Variants in TUBGCP3 observed in about 807,000 individuals in gnomAD.
The protein encoded by TUBGCP3 is gamma-tubulin complex component 3.
In TUBGCP3, 50 loss-of-function variants were observed where a neutral mutation model predicts 123.1. That is an observed-to-expected ratio of 0.41 (90% CI 0.32 to 0.51). TUBGCP3 has a LOEUF of 0.51. TUBGCP3 is among the 20% of genes least tolerant of loss of function. The pLI is 0.36. For missense variants in TUBGCP3, 882 were observed against 1,127.0 expected, an observed-to-expected ratio of 0.78 and a Z score of 3.11; for synonymous variants, 405 against 413.9, an observed-to-expected ratio of 0.98 and a Z score of 0.26.
upstream of TUBGCP3, among the ~76,000 whole-genome samples, chr13:112,593,186 A>G (rs1882912049): frequency 2.0e-5 from 3 of 152,166 alleles, no homozygotes; most frequent in African/African-American, 7.2e-5. Flanking sequence ...TGGGAGGCCA[A>G]AGTGGGTGGA....
chr13:112,565,619 C>T (rs1428213197), intron 2 of TUBGCP3, among the ~76,000 whole-genome samples: 1 of 152,212 alleles, frequency 6.6e-6, no homozygotes, highest in Non-Finnish European at 1.5e-5. Flanking sequence ...TTGGAAACTA[C>T]ATATCCTAAA....
chr13:112,579,829 C>G (rs778644151), intron 1 of TUBGCP3, among the ~76,000 whole-genome samples: 7 of 152,244 alleles, frequency 4.6e-5, no homozygotes, highest in Non-Finnish European at 8.8e-5. Flanking sequence ...AACAACCCCA[C>G]TTGCAGGTGT....
At chr13:112,493,665 G>C (rs1182123973) in intron 20 of TUBGCP3, among the ~76,000 whole-genome samples, 1 of 101,604 alleles carries the variant, frequency 9.8e-6, no homozygotes, top group African/African-American at 3.9e-5. Flanking sequence ...CTATGGGAAC[G>C]TGGCCTGGTG....
In TUBGCP3 at chr13:112,518,344, T is replaced by C. The variant is rs187656338; in HGVS notation, c.1950+631A>G. ...TACTTTTCCCAATACCTCAAAGAAA[T>C]GCAATGTCCTTCTTCAGTATTTCAG... is the stretch of plus-strand genomic sequence containing the variant. On this transcript the variant is annotated intron_variant, in intron 16 of 21. Coordinates refer to ENST00000261965, the MANE Select transcript of TUBGCP3 (RefSeq NM_006322.6). Among the ~76,000 whole-genome samples the C allele has an allele frequency of 1.4e-3, 214 of 152,294 alleles. 1 individual carries two copies. The highest frequency in any genetic ancestry group is 2.5e-3 in the Non-Finnish European group (167 of 68,020).
chr13:112,523,051 C>T (rs78217535), intron 13 of TUBGCP3, among the ~76,000 whole-genome samples: 1,903 of 152,308 alleles, frequency 0.012, 42 homozygotes, highest in African/African-American at 0.042. Context: ...CGGAAGAAAG[C>T]ATTTCCATAG....
At chr13:112,563,861 C>G (rs923627943) in intron 3 of TUBGCP3, among the ~76,000 whole-genome samples, 1 of 146,104 alleles carries the variant, frequency 6.8e-6, no homozygotes, top group African/African-American at 2.6e-5. Context: ...GGGCACAGAG[C>G]AAGACTTCGC....
rs772300594 is a variant in TUBGCP3, at chr13:112,519,857, G to A, written c.1881+29C>T. ...CCCAGTGGGTCCTCGGTGCCGGGGCGGCGTTCCCAACACGCAGAGCCGCAG... is the reference window on the plus strand; with the variant it reads ...CCCAGTGGGTCCTCGGTGCCGGGGCAGCGTTCCCAACACGCAGAGCCGCAG... On this transcript the variant is annotated intron_variant, in intron 15 of 21. Coordinates refer to ENST00000261965, the MANE Select transcript of TUBGCP3 (RefSeq NM_006322.6). The surrounding 1 kb of genome is among the most constrained non-coding windows in gnomAD (Gnocchi z 6.2). 61 of 1,604,014 alleles carry A rather than the reference G, an allele frequency of 3.8e-5. No homozygotes were observed. Among genetic ancestry groups the A allele is most frequent in the Non-Finnish European group, 4.3e-5 (51 of 1,173,372 alleles).
chr13:112,555,289 G>A (rs746931920), intron 6 of TUBGCP3, among the ~76,000 whole-genome samples: 1 of 152,166 alleles, frequency 6.6e-6, no homozygotes, highest in South Asian at 2.1e-4. Flanking sequence ...AGGGACAGGC[G>A]GAGTGGGGCA....
At chr13:112,584,008 G>C (rs1384331063) in intron 1 of TUBGCP3, 2 of 152,190 alleles carry the variant, frequency 1.3e-5, no homozygotes, top group African/African-American at 4.8e-5. Context: ...CATTTAGAGA[G>C]TTTAAAATGA....
intron 5 of TUBGCP3, among the ~76,000 whole-genome samples, chr13:112,556,809 A>C (rs1880085929): frequency 6.6e-6 from 1 of 152,250 alleles, no homozygotes; most frequent in South Asian, 2.1e-4. Flanking sequence ...CTTGTCAGCA[A>C]TTTTGAGACT....
rs1485797752 is a variant in TUBGCP3 at position 112,575,390 on chromosome 13, AT to A, written c.77-6132del. Among the ~76,000 whole-genome samples, 3 of 152,316 alleles carry A rather than the reference AT, an allele frequency of 2.0e-5. No individual in the cohort carries two copies. The East Asian group carries it at 5.8e-4, about 29-fold the overall frequency. The stretch of plus-strand genomic sequence containing the variant: ...GGGATCACAAAATGATAAAAGGGCA[AT>A]TCACCAAGATGACATAGCAATTCTA... On this transcript the variant is annotated intron_variant, in intron 1 of 21. Transcript: ENST00000261965.
In TUBGCP3 at chr13:112,545,530, G is replaced by T; in HGVS notation, c.1335+169C>A. On this transcript the variant is annotated intron_variant, in intron 11 of 21. Transcript: ENST00000261965. This position sits in a 1 kb window ranked among gnomAD's most constrained non-coding sequence, Gnocchi z 4.1. ...CTCGTGAACTTATCTGCTGTTCAGT[G>T]AGATAACCAGCTGTCGAGGCACTGT... 1 of 670,192 alleles carries T rather than the reference G, an allele frequency of 1.5e-6. No homozygotes were observed. The allele number at this position is 670,192 out of a possible 1,614,324, so 41.5% of individuals were successfully genotyped here.
At chr13:112,490,091 C>T (rs1026292898) in intron 20 of TUBGCP3, among the ~76,000 whole-genome samples, 24 of 152,304 alleles carry the variant, frequency 1.6e-4, no homozygotes, top group African/African-American at 4.6e-4. Flanking sequence ...CGTCAGCACC[C>T]TTTAAACTAT....
intron 11 of TUBGCP3, among the ~76,000 whole-genome samples, chr13:112,528,934 G>A (rs1004377035): frequency 3.3e-5 from 5 of 151,824 alleles, no homozygotes; most frequent in Admixed American, 6.6e-5. Context: ...TCACTGCAAC[G>A]TCTGCCTCCC....
chr13:112,549,457 C>T (rs1327059997), intron 8 of TUBGCP3, among the ~76,000 whole-genome samples: 1 of 151,656 alleles, frequency 6.6e-6, no homozygotes, highest in Non-Finnish European at 1.5e-5. Context: ...ACGTTGTGCA[C>T]ATGTACCCTA....
rs540990568 is a variant in TUBGCP3 at position 112,508,455 on chromosome 13, C to G, written c.2087-3741G>C. On this transcript the variant is annotated intron_variant, in intron 17 of 21. Transcript: ENST00000261965. This position sits in a 1 kb window ranked among gnomAD's most constrained non-coding sequence, Gnocchi z 4.2. The stretch of plus-strand genomic sequence containing the variant: ...AGGGGCCTGTTAGTTGAAAAGGTAT[C>G]GTGCACCACGACAGACAGGTCTACA... Among the ~76,000 whole-genome samples, 1 of 152,252 alleles carries G rather than the reference C, an allele frequency of 6.6e-6. No homozygotes were observed. The highest frequency in any genetic ancestry group is 2.4e-5 in the African/African-American group (1 of 41,556).
chr13:112,516,459 C>T lies in TUBGCP3; in HGVS notation c.2067G>A (p.Lys689=), dbSNP rs1012370385. The change falls in exon 17 of 22, where the codon AAG becomes AAA. Residue 689 remains lysine (K), a synonymous_variant. Coordinates refer to ENST00000261965, the MANE Select transcript of TUBGCP3 (RefSeq NM_006322.6). ...DIRKGHMCNA[K]LLRNMPEFSG... ...GCTCACCTGGCATGTTTCTCAGGAG[C>T]TTTGCATTGCACATGTGTCCCTTCC... 8.7e-6 allele frequency: 14 copies of T among 1,609,092 alleles called. No homozygotes were observed. Among genetic ancestry groups the T allele is most frequent in the Admixed American group, 3.4e-5 (2 of 59,606 alleles).
chr13:112,547,592 A>G (rs201746539), intron 10 of TUBGCP3, 28 bp downstream of exon 10: 149 of 1,454,072 alleles, frequency 1.0e-4, no homozygotes, highest in Non-Finnish European at 1.3e-4. Context: ...CGTGGGAAAG[A>G]CGTGCGTGGG....
At position 112,539,048 on chromosome 13, in the gene TUBGCP3, G is replaced by A. The variant is rs1471079901; in HGVS notation, c.1335+6651C>T. On this transcript the variant is annotated intron_variant, in intron 11 of 21. Coordinates refer to ENST00000261965, the MANE Select transcript of TUBGCP3 (RefSeq NM_006322.6). ...GGTCTAACAGAAAAAACAGATGTCC[G>A]AGAACTACAAACAAATCAGACAAAG... 4.6e-5 allele frequency among the ~76,000 whole-genome samples: 7 copies of A among 152,164 alleles called. No homozygotes were observed. In the East Asian group the frequency reaches 5.8e-4, roughly 13 times the overall value.
Sources: allele counts gnomAD v4.1 joint callset (sites outside exome capture counted in the v4.1 genomes callset), GRCh38; gene constraint gnomAD v4.1.1; non-coding constraint Gnocchi (gnomAD v3.1); transcripts MANE v1.5; gene names NCBI Gene and HGNC (gene_info 2026-07-23, HGNC 2026-07-21).